ANKRD6: variants seen among roughly 807,000 people sequenced by gnomAD.
The protein encoded by ANKRD6 is ankyrin repeat domain 6.
ANKRD6 carries 56 observed loss-of-function variants against 82.3 expected under a neutral mutation model. The ratio of observed to expected loss-of-function variants is 0.68; its 90% CI spans 0.55 to 0.85. The LOEUF (loss-of-function observed/expected upper bound fraction) is 0.85. Among genes scored for constraint, ANKRD6 ranks in the 40% least tolerant of loss-of-function variants. ANKRD6 has a pLI of 0.00. For missense variants in ANKRD6, 852 were observed against 907.6 expected (o/e 0.94, Z 0.79); for synonymous variants, 347 against 352.1 (o/e 0.99, Z 0.16).
intron 2 of ANKRD6, among the ~76,000 whole-genome samples, chr6:89,568,644 G>A (rs751255000): frequency 6.6e-6 from 1 of 152,072 alleles, no homozygotes; most frequent in East Asian, 1.9e-4. Context: ...GGGGTCATGA[G>A]AGTGGAGCCC....
intron 1 of ANKRD6, among the ~76,000 whole-genome samples, chr6:89,462,730 A>G (rs1774335018): frequency 6.6e-6 from 1 of 152,076 alleles, no homozygotes; most frequent in African/African-American, 2.4e-5. Flanking sequence ...TCTTTGGGCA[A>G]TTCCCATAAC....
chr6:89,544,574 C>T (rs1161587247), intron 1 of ANKRD6, among the ~76,000 whole-genome samples: 3 of 151,902 alleles, frequency 2.0e-5, no homozygotes, highest in African/African-American at 7.3e-5. Flanking sequence ...ATTAGCTGGG[C>T]GTAGTGGCAG....
chr6:89,495,738 T>C (rs541970521), intron 1 of ANKRD6, among the ~76,000 whole-genome samples: 1 of 152,242 alleles, frequency 6.6e-6, no homozygotes. Context: ...TTATGTTACA[T>C]TCAGCTCATT....
intron 12 of ANKRD6, 88 bp from the exon 13 acceptor site, chr6:89,624,451 G>T (rs997455059): frequency 6.2e-6 from 9 of 1,460,390 alleles, no homozygotes; most frequent in Non-Finnish European, 8.3e-6. Context: ...CTATCCCCTG[G>T]TATACTGCCT....
intron 1 of ANKRD6, among the ~76,000 whole-genome samples, chr6:89,448,466 A>C (rs962506047): frequency 1.3e-5 from 2 of 151,590 alleles, no homozygotes; most frequent in African/African-American, 4.9e-5. Context: ...TACTACATCT[A>C]CTCTGTCTGT....
At chr6:89,543,474 A>G (rs1314553968) in intron 1 of ANKRD6, among the ~76,000 whole-genome samples, 3 of 152,150 alleles carry the variant, frequency 2.0e-5, no homozygotes, top group African/African-American at 7.2e-5. Flanking sequence ...CACTCTAACG[A>G]GAGAACCACC....
intron 1 of ANKRD6, among the ~76,000 whole-genome samples, chr6:89,490,130 T>TG (rs1379916768): frequency 6.6e-6 from 1 of 152,242 alleles, no homozygotes; most frequent in Non-Finnish European, 1.5e-5. Context: ...GTCATTCAGA[T>TG]TGGTCCAGAT....
intron 1 of ANKRD6, among the ~76,000 whole-genome samples, chr6:89,505,879 A>T (rs1779781892): frequency 6.6e-6 from 1 of 152,238 alleles, no homozygotes; most frequent in Admixed American, 6.5e-5. Context: ...TAGTATATTC[A>T]TCCTTAATAA....
At chr6:89,506,640 A>G (rs1383590046) in intron 1 of ANKRD6, among the ~76,000 whole-genome samples, 2 of 152,228 alleles carry the variant, frequency 1.3e-5, no homozygotes, top group Non-Finnish European at 2.9e-5. Context: ...TAAATTTGTC[A>G]GTTATACCTC....
At chr6:89,529,630 C>G (rs1782906072) in intron 1 of ANKRD6, among the ~76,000 whole-genome samples, 1 of 152,194 alleles carries the variant, frequency 6.6e-6, no homozygotes, top group African/African-American at 2.4e-5. Context: ...AGCTTTTGGC[C>G]TTTCTTAGCT....
At position 89,593,560 on chromosome 6, in the gene ANKRD6, T is replaced by A. The variant is rs1028266662; in HGVS notation, c.121-2356T>A. The stretch of plus-strand genomic sequence containing the variant: ...CTCTTTCCAGAATCATTCTAGTGCT[T>A]TGGTCACATTTCATGGGGAGAAATT... On this transcript the variant is annotated intron_variant, in intron 2 of 15. Coordinates refer to ENST00000339746, the MANE Select transcript of ANKRD6 (RefSeq NM_001242809.2). Among the ~76,000 whole-genome samples, 47 of 152,346 alleles carry A rather than the reference T, an allele frequency of 3.1e-4. 1 individual carries two copies. Among genetic ancestry groups the A allele is most frequent in the Non-Finnish European group, 5.9e-5 (4 of 68,038 alleles).
At chr6:89,495,059 C>T (rs1387739821) in intron 1 of ANKRD6, among the ~76,000 whole-genome samples, 1 of 151,956 alleles carries the variant, frequency 6.6e-6, no homozygotes, top group Non-Finnish European at 1.5e-5. Context: ...ACAGTGAAAC[C>T]CCACCTCTAC....
At chr6:89,577,809 C>A (rs1791476480) in intron 2 of ANKRD6, among the ~76,000 whole-genome samples, 1 of 152,064 alleles carries the variant, frequency 6.6e-6, no homozygotes, top group South Asian at 2.1e-4. Flanking sequence ...AGAGGGAGAT[C>A]CTGTCTCAAA....
At chr6:89,482,804 AT>A (rs1383926125) in intron 1 of ANKRD6, among the ~76,000 whole-genome samples, 1 of 152,114 alleles carries the variant, frequency 6.6e-6, no homozygotes, top group Non-Finnish European at 1.5e-5. Context: ...TTTCTTCCTC[AT>A]TGGACAGGAT....
chr6:89,485,723 C>A (rs1272252376), intron 1 of ANKRD6, among the ~76,000 whole-genome samples: 1 of 152,130 alleles, frequency 6.6e-6, no homozygotes, highest in East Asian at 1.9e-4. Context: ...AAAAAAGATT[C>A]CTGGGGTGTC....
intron 1 of ANKRD6, among the ~76,000 whole-genome samples, chr6:89,503,204 G>C (rs1184983559): frequency 6.6e-6 from 1 of 152,152 alleles, no homozygotes; most frequent in African/African-American, 2.4e-5. Flanking sequence ...ATGCTTTTTG[G>C]CTGCTGGGGT....
At chr6:89,461,322 A>C (rs1217565583) in intron 1 of ANKRD6, among the ~76,000 whole-genome samples, 1 of 152,202 alleles carries the variant, frequency 6.6e-6, no homozygotes, top group African/African-American at 2.4e-5. Flanking sequence ...TTCAGGTATC[A>C]TATATGCCTT....
chr6:89,471,216 G>A (rs1775411936), intron 1 of ANKRD6, among the ~76,000 whole-genome samples: 1 of 152,012 alleles, frequency 6.6e-6, no homozygotes, highest in Non-Finnish European at 1.5e-5. Flanking sequence ...GCTGGGTGTG[G>A]TGGCAGGCGC....
intron 1 of ANKRD6, among the ~76,000 whole-genome samples, chr6:89,454,882 C>A (rs1354386232): frequency 6.6e-6 from 1 of 152,062 alleles, no homozygotes; most frequent in Non-Finnish European, 1.5e-5. Context: ...ACTCTGTCAC[C>A]CAGGCTGATG....
Sources: allele counts gnomAD v4.1 joint callset (sites outside exome capture counted in the v4.1 genomes callset), GRCh38; gene constraint gnomAD v4.1.1; transcripts MANE v1.5; gene names NCBI Gene and HGNC (gene_info 2026-07-23, HGNC 2026-07-21).